RFT1: variants seen among roughly 807,000 people sequenced by gnomAD.
The protein encoded by RFT1 is RFT1 glycolipid translocator homolog.
Under a neutral mutation model 62.2 loss-of-function variants are expected in RFT1, and 43 were observed. That is an observed-to-expected ratio of 0.69 (90% CI 0.54 to 0.89). The LOEUF (loss-of-function observed/expected upper bound fraction) is 0.89, where lower values mean the gene tolerates loss of function less well. Among genes scored for constraint, RFT1 ranks in the 40% least tolerant of loss-of-function variants. The probability of loss-of-function intolerance (pLI) is 0.00; values close to 1 mark genes in which losing one functional copy is unlikely to be tolerated. For synonymous variants in RFT1, 262 were observed against 264.6 expected, an observed-to-expected ratio of 0.99 and a Z score of 0.10; for missense variants, 605 against 649.9, an observed-to-expected ratio of 0.93 and a Z score of 0.75.
chr3:53,112,506 C>T (rs1306909907), intron 6 of RFT1, among the ~76,000 whole-genome samples: 1 of 152,180 alleles, frequency 6.6e-6, no homozygotes, highest in Non-Finnish European at 1.5e-5. Context: ...CTTTGGGAAG[C>T]TGAGGTGGGT....
chr3:53,070,551 G>A, the RFT1 span, among the ~76,000 whole-genome samples: 3 of 151,624 alleles, frequency 2.0e-5, no homozygotes, highest in Admixed American at 6.6e-5. Context: ...ACAGGCATCC[G>A]CCACCACACC....
chr3:53,100,050 A>C (rs1701269559), intron 10 of RFT1, among the ~76,000 whole-genome samples: 1 of 152,226 alleles, frequency 6.6e-6, no homozygotes, highest in Non-Finnish European at 1.5e-5. Flanking sequence ...CTAAAAGCTT[A>C]TCTGGCTAGC....
rs1033567124 is a variant in RFT1, at chr3:53,091,152, C to T, written c.*751G>A. 37 of 152,400 alleles carry T rather than the reference C, an allele frequency of 2.4e-4. No homozygotes were observed. Among genetic ancestry groups the T allele is most frequent in the African/African-American group, 8.9e-4 (37 of 41,460 alleles). The allele number at this position is 152,400 out of a possible 1,614,324, so 9.4% of individuals were successfully genotyped here. On this transcript the variant is annotated 3_prime_UTR_variant, in exon 13 of 13. Coordinates refer to ENST00000296292, the MANE Select transcript of RFT1 (RefSeq NM_052859.4). Reference sequence around the variant, plus strand: ...TCACAGTTTTCTTCAAAGTCCGCCTCTTGCAGGTGGCCAGGCCAGGAGTCT... The same window carrying T: ...TCACAGTTTTCTTCAAAGTCCGCCTTTTGCAGGTGGCCAGGCCAGGAGTCT...
chr3:53,122,320 C>T (rs1167093359), intron 4 of RFT1, 54 bp downstream of exon 4: 1 of 1,544,432 alleles, frequency 6.5e-7, no homozygotes, highest in Non-Finnish European at 8.9e-7. Context: ...TTTTAAAAAA[C>T]AACGCTTTTT....
intron 3 of RFT1, among the ~76,000 whole-genome samples, 180 bp from the exon 4 acceptor site, chr3:53,122,743 T>C (rs1185427440): frequency 6.6e-6 from 1 of 152,136 alleles, no homozygotes; most frequent in Non-Finnish European, 1.5e-5. Flanking sequence ...CACCTCACAA[T>C]GATCCTCTGT....
the RFT1 span, among the ~76,000 whole-genome samples, chr3:53,074,646 C>A: frequency 6.6e-6 from 1 of 152,190 alleles, no homozygotes; most frequent in Non-Finnish European, 1.5e-5. Context: ...GGCTCCACTT[C>A]ATTCTTGGTG....
At chr3:53,070,745 G>GT in the RFT1 span, among the ~76,000 whole-genome samples, 8 of 149,898 alleles carry the variant, frequency 5.3e-5, no homozygotes, top group South Asian at 2.2e-4. Context: ...AATTTTAAAA[G>GT]TTTTTTTTTG....
chr3:53,085,057 C>T (rs1700828466), downstream of RFT1, among the ~76,000 whole-genome samples: 1 of 143,616 alleles, frequency 7.0e-6, no homozygotes, highest in Admixed American at 7.9e-5. Flanking sequence ...GGGCTTTGCA[C>T]TCAGAAGCAA....
intron 11 of RFT1, among the ~76,000 whole-genome samples, chr3:53,098,499 G>A (rs1432530229): frequency 6.6e-6 from 1 of 151,634 alleles, no homozygotes; most frequent in African/African-American, 2.4e-5. Context: ...AGGTTACAGA[G>A]GCAGCATGAA....
chr3:53,103,044 G>C, intron 10 of RFT1: 2 of 923,042 alleles, frequency 2.2e-6, no homozygotes, highest in Non-Finnish European at 2.6e-6. Flanking sequence ...GCCCCAGGGA[G>C]CTGCAAACCA....
intron 10 of RFT1, chr3:53,102,977 C>T (rs1328261366): frequency 3.4e-5 from 12 of 357,502 alleles, no homozygotes; most frequent in Admixed American, 6.4e-5. Flanking sequence ...TTACTAATGC[C>T]TTCCTCATGA....
At chr3:53,113,393 G>A (rs1701705862) in intron 6 of RFT1, among the ~76,000 whole-genome samples, 1 of 83,302 alleles carries the variant, frequency 1.2e-5, no homozygotes, top group South Asian at 3.4e-4. Flanking sequence ...TCAATGGTAG[G>A]ATTTCAGAGG....
the RFT1 span, among the ~76,000 whole-genome samples, chr3:53,070,100 T>C: frequency 6.6e-6 from 1 of 152,112 alleles, no homozygotes; most frequent in South Asian, 2.1e-4. Context: ...AACCCAAACC[T>C]AACTGCAGTG....
At chr3:53,082,157 G>A in the RFT1 span, among the ~76,000 whole-genome samples, 7 of 151,962 alleles carry the variant, frequency 4.6e-5, no homozygotes, top group African/African-American at 1.7e-4. Flanking sequence ...GGCCCAGGCT[G>A]GTCTCAAACT....
chr3:53,108,814 G>A (rs555244606), intron 7 of RFT1, among the ~76,000 whole-genome samples: 1 of 151,738 alleles, frequency 6.6e-6, no homozygotes, highest in South Asian at 2.1e-4. Flanking sequence ...GATAACAGGC[G>A]CCTGCCACCA....
At chr3:53,073,067 G>A in the RFT1 span, among the ~76,000 whole-genome samples, 4 of 152,232 alleles carry the variant, frequency 2.6e-5, no homozygotes, top group Non-Finnish European at 5.9e-5. Flanking sequence ...CCCCCAGCCC[G>A]TGGGGCTGGG....
chr3:53,069,317 G>A, the RFT1 span, among the ~76,000 whole-genome samples: 3 of 152,138 alleles, frequency 2.0e-5, no homozygotes. Flanking sequence ...GCTAAGCTAT[G>A]ATGTTCAGTA....
chr3:53,098,796 C>T, intron 11 of RFT1, among the ~76,000 whole-genome samples: 1 of 73,702 alleles, frequency 1.4e-5, no homozygotes, highest in African/African-American at 4.7e-5. Context: ...AGCGAGACTC[C>T]ATCTCAAAAA....
At chr3:53,076,111 G>A in the RFT1 span, among the ~76,000 whole-genome samples, 1 of 152,222 alleles carries the variant, frequency 6.6e-6, no homozygotes, top group Non-Finnish European at 1.5e-5. Context: ...GCCCCACACT[G>A]CAGATGTTAA....
Sources: allele counts gnomAD v4.1 joint callset (sites outside exome capture counted in the v4.1 genomes callset), GRCh38; gene constraint gnomAD v4.1.1; transcripts MANE v1.5; gene names NCBI Gene and HGNC (gene_info 2026-07-23, HGNC 2026-07-21).